The following RBFOX1 variants were observed in gnomAD, a reference collection of about 807,000 sequenced individuals.
The protein encoded by RBFOX1 is RNA binding protein fox-1 homolog 1.
RBFOX1 carries 8 observed loss-of-function variants against 57.7 expected under a neutral mutation model. The observed-to-expected ratio is 0.14, with a 90% CI of 0.08 to 0.25. RBFOX1 has a LOEUF of 0.25. Among genes scored for constraint, RBFOX1 ranks in the 10% least tolerant of loss-of-function variants. The pLI is 1.00. For missense variants in RBFOX1, 611 were observed against 548.5 expected, an observed-to-expected ratio of 1.11 and a Z score of -1.14; for synonymous variants, 326 against 222.4, an observed-to-expected ratio of 1.47 and a Z score of -4.15.
At chr16:6,138,832 A>C (rs1193975427) in intron 1 of RBFOX1, among the ~76,000 whole-genome samples, 1 of 152,162 alleles carries the variant, frequency 6.6e-6, no homozygotes, top group Non-Finnish European at 1.5e-5. Context: ...GCGCCGCTGC[A>C]CTCCAGCCTG....
intron 14 of RBFOX1, among the ~76,000 whole-genome samples, chr16:7,691,644 A>C (rs1464196125): frequency 6.6e-6 from 1 of 152,164 alleles, no homozygotes; most frequent in African/African-American, 2.4e-5. Flanking sequence ...GTTGCATTTT[A>C]AAAGTTACCT....
chr16:7,262,680 G>C (rs549027323), intron 4 of RBFOX1, among the ~76,000 whole-genome samples: 3 of 152,258 alleles, frequency 2.0e-5, no homozygotes, highest in African/African-American at 7.2e-5. Context: ...GGAGGGCGTG[G>C]AGGTGTCCTG....
chr16:7,274,990 A>G (rs2095412836), intron 4 of RBFOX1, among the ~76,000 whole-genome samples: 1 of 152,146 alleles, frequency 6.6e-6, no homozygotes, highest in African/African-American at 2.4e-5. Flanking sequence ...GCCCAAAAGC[A>G]TTAGCTTCTA....
intron 3 of RBFOX1, among the ~76,000 whole-genome samples, chr16:6,964,739 C>T (rs1379320065): frequency 6.6e-6 from 1 of 152,158 alleles, no homozygotes; most frequent in Non-Finnish European, 1.5e-5. Flanking sequence ...AGCACTTGTC[C>T]CTGCAATTCC....
At chr16:5,580,788 G>T (rs2046639785) in intron 2 of RBFOX1, among the ~76,000 whole-genome samples, 1 of 152,166 alleles carries the variant, frequency 6.6e-6, no homozygotes, top group Non-Finnish European at 1.5e-5. Context: ...CCAGCGAAGG[G>T]CAATCCAGAC....
chr16:7,106,918 C>G (rs774157882), intron 4 of RBFOX1, among the ~76,000 whole-genome samples: 1 of 151,858 alleles, frequency 6.6e-6, no homozygotes, highest in Non-Finnish European at 1.5e-5. Context: ...GGGCATGCAA[C>G]AAGGAGGACA....
intron 11 of RBFOX1, among the ~76,000 whole-genome samples, chr16:7,632,898 CAAT>C: frequency 7.3e-6 from 1 of 137,326 alleles, no homozygotes; most frequent in Admixed American, 7.2e-5. Flanking sequence ...GTGAACAAAA[CAAT>C]CAACTCCAAA....
At chr16:5,998,765 A>T (rs1030162975) in intron 4 of RBFOX1, among the ~76,000 whole-genome samples, 2 of 152,100 alleles carry the variant, frequency 1.3e-5, no homozygotes, top group African/African-American at 4.8e-5. Flanking sequence ...ATTTTTTCGC[A>T]TACTCCTTCT....
intron 3 of RBFOX1, among the ~76,000 whole-genome samples, chr16:6,806,124 A>G (rs1002318195): frequency 1.3e-5 from 2 of 152,188 alleles, no homozygotes; most frequent in African/African-American, 4.8e-5. Flanking sequence ...GAATATTTAG[A>G]TGATTTAGAG....
intron 4 of RBFOX1, among the ~76,000 whole-genome samples, chr16:7,132,816 A>G (rs2070874146): frequency 6.6e-6 from 1 of 152,212 alleles, no homozygotes. Flanking sequence ...CAAAATTGAA[A>G]AAAAAAGATA....
chr16:7,192,535 A>G (rs1183262900), intron 4 of RBFOX1, among the ~76,000 whole-genome samples: 2 of 152,208 alleles, frequency 1.3e-5, no homozygotes, highest in African/African-American at 4.8e-5. Flanking sequence ...ATCAACTGTG[A>G]GAAGACCAAA....
Position 7,062,317 on chromosome 16 carries a change from C to CAA in RBFOX1, c.27+10239_27+10240dup, listed in dbSNP as rs57989614. On this transcript the variant is annotated intron_variant, in intron 4 of 15. Transcript: ENST00000550418. ...TGAGAGACAGAGTGAGACTCCATCT[C>CAA]AAAAAAAAAAAAAAAAAAAAAGAAA... Among the ~76,000 whole-genome samples the CAA allele has an allele frequency of 9.8e-3, 636 of 65,000 alleles. 14 individuals carry two copies. The highest frequency in any genetic ancestry group is 0.034 in the African/African-American group (551 of 16,186). 42.6% of individuals were successfully genotyped at this position (65,000 alleles called of 152,430 possible).
intron 1 of RBFOX1, chr16:5,366,634 T>C: frequency 2.4e-6 from 1 of 422,654 alleles, no homozygotes; most frequent in Non-Finnish European, 4.5e-6. Flanking sequence ...GAATTGCTTC[T>C]GGATGACTGA....
intron 1 of RBFOX1, among the ~76,000 whole-genome samples, chr16:6,080,232 C>G (rs2095979803): frequency 6.6e-6 from 1 of 152,112 alleles, no homozygotes. Flanking sequence ...TTCCTGATCC[C>G]ACAGAATAAG....
chr16:6,940,887 GTGT>G (rs2078317775), intron 3 of RBFOX1, among the ~76,000 whole-genome samples: 1 of 137,748 alleles, frequency 7.3e-6, no homozygotes, highest in Non-Finnish European at 1.6e-5. Context: ...GTGTGTGTGT[GTGT>G]TAGAGATGGG....
intron 3 of RBFOX1, among the ~76,000 whole-genome samples, chr16:6,733,222 G>A (rs540133233): frequency 6.6e-6 from 1 of 152,174 alleles, no homozygotes; most frequent in African/African-American, 2.4e-5. Flanking sequence ...ATTAGCAGGT[G>A]CCAGAGCCCT....
intron 2 of RBFOX1, among the ~76,000 whole-genome samples, chr16:6,542,618 T>G (rs1385227224): frequency 6.7e-6 from 1 of 149,598 alleles, no homozygotes; most frequent in African/African-American, 2.5e-5. Context: ...GCCTGGCAAG[T>G]AGCTGGGACC....
intron 11 of RBFOX1, among the ~76,000 whole-genome samples, chr16:7,652,548 T>C (rs945916574): frequency 2.0e-5 from 3 of 152,134 alleles, no homozygotes; most frequent in East Asian, 1.9e-4. Flanking sequence ...GCGGGAATTA[T>C]AGGCATGCGC....
chr16:7,091,117 C>A (rs989456901), intron 4 of RBFOX1, among the ~76,000 whole-genome samples: 3 of 124,740 alleles, frequency 2.4e-5, no homozygotes, highest in Non-Finnish European at 5.0e-5. Context: ...GACTTTATAA[C>A]CTTTTCGTTT....
Sources: gnomAD v4.1 joint callset for allele counts (sites outside exome capture counted in the v4.1 genomes callset) on GRCh38, gnomAD v4.1.1 for gene constraint, MANE v1.5 for transcripts, NCBI Gene and HGNC (gene_info 2026-07-23, HGNC 2026-07-21) for gene names.